Variants in RHCE observed in about 807,000 individuals in gnomAD.
RHCE encodes the protein Rh blood group CcEe antigens.
Under a neutral mutation model 43.8 loss-of-function variants are expected in RHCE, and 22 were observed. That is an observed-to-expected ratio of 0.50 (90% CI 0.36 to 0.72). The LOEUF is 0.72. RHCE is among the 30% of genes least tolerant of loss of function. RHCE has a pLI of 0.00. For missense variants in RHCE, 385 were observed against 525.4 expected (o/e 0.73, Z 2.61); for synonymous variants, 156 against 210.7 (o/e 0.74, Z 2.25).
At chr1:25,429,229 T>TTG (rs2124559989) in intron 1 of RHCE, among the ~76,000 whole-genome samples, 1 of 146,510 alleles carries the variant, frequency 6.8e-6, no homozygotes, top group South Asian at 2.1e-4. Context: ...AAGTTTTTTT[T>TTG]TTTTTTTTTT....
At chr1:25,428,798 A>G (rs958018535) in intron 2 of RHCE, among the ~76,000 whole-genome samples, 2 of 152,226 alleles carry the variant, frequency 1.3e-5, no homozygotes, top group African/African-American at 4.8e-5. Context: ...TTTGATCTCC[A>G]AGAAGCTTTT....
intron 3 of RHCE, among the ~76,000 whole-genome samples, chr1:25,402,103 C>T (rs1449585905): frequency 6.6e-6 from 1 of 152,088 alleles, no homozygotes; most frequent in Non-Finnish European, 1.5e-5. Flanking sequence ...TCTTGAACTC[C>T]TGACCTCAGG....
At chr1:25,398,991 A>C (rs552809819) in intron 3 of RHCE, 1 of 1,228,130 alleles carries the variant, frequency 8.1e-7, no homozygotes, top group African/African-American at 1.5e-5. Flanking sequence ...TTGCTCTGCG[A>C]CGGACTATTC....
At chr1:25,427,487 T>C (rs1232523343) in intron 2 of RHCE, among the ~76,000 whole-genome samples, 1 of 152,232 alleles carries the variant, frequency 6.6e-6, no homozygotes, top group Non-Finnish European at 1.5e-5. Context: ...CCCACTTCTG[T>C]GCCCTTAGAA....
intron 6 of RHCE, among the ~76,000 whole-genome samples, chr1:25,386,823 A>G (rs1447874017): frequency 1.4e-5 from 2 of 142,256 alleles, no homozygotes; most frequent in East Asian, 1.9e-4. Flanking sequence ...CACCGTCTCA[A>G]CAACAACAAC....
chr1:25,378,977 G>A (rs1238466628), intron 7 of RHCE, among the ~76,000 whole-genome samples: 1 of 152,122 alleles, frequency 6.6e-6, no homozygotes, highest in East Asian at 1.9e-4. Context: ...TTGAGTAAAA[G>A]AAGCATACAA....
intron 9 of RHCE, 41 bp downstream of exon 9, chr1:25,370,426 T>C: frequency 6.5e-7 from 1 of 1,529,236 alleles, no homozygotes; most frequent in Non-Finnish European, 9.1e-7. Flanking sequence ...TTTAAGTTCA[T>C]GCACTCAAAA....
intron 2 of RHCE, among the ~76,000 whole-genome samples, chr1:25,405,375 G>A (rs902310735): frequency 5.1e-4 from 78 of 152,044 alleles, no homozygotes; most frequent in Admixed American, 4.0e-3. Flanking sequence ...GTTTTAGGCC[G>A]GGCACAGTGG....
intron 1 of RHCE, among the ~76,000 whole-genome samples, chr1:25,410,893 T>C (rs1293349133): frequency 6.6e-6 from 1 of 151,958 alleles, no homozygotes; most frequent in African/African-American, 2.4e-5. Context: ...AGTTCGAGAC[T>C]AGCCTGGCCA....
At chr1:25,416,465 A>G (rs149007751) in intron 1 of RHCE, among the ~76,000 whole-genome samples, 11,339 of 151,970 alleles carry the variant, frequency 0.075, 1,362 homozygotes, top group African/African-American at 0.26. Flanking sequence ...GGGTTTCATC[A>G]TGTTAGCCAG....
intron 7 of RHCE, among the ~76,000 whole-genome samples, chr1:25,379,419 G>A (rs111915012): frequency 0.077 from 9,647 of 125,034 alleles, 1,123 homozygotes; most frequent in African/African-American, 0.26. Flanking sequence ...CATGTCCTTC[G>A]TACATGCAAA....
intron 7 of RHCE, among the ~76,000 whole-genome samples, chr1:25,381,681 C>T (rs189208206): frequency 6.6e-6 from 1 of 151,948 alleles, no homozygotes; most frequent in East Asian, 1.9e-4. Context: ...TGGTCTCGAA[C>T]TCCTGACCTC....
At chr1:25,428,908 C>A (rs1274934858) in intron 2 of RHCE, 1 of 152,340 alleles carries the variant, frequency 6.6e-6, no homozygotes, top group Non-Finnish European at 1.5e-5. Context: ...GGGGAAAGAT[C>A]GGTTGCAGTG....
upstream of RHCE, among the ~76,000 whole-genome samples, chr1:25,423,539 C>T (rs2042783188): frequency 1.3e-5 from 2 of 152,182 alleles, no homozygotes; most frequent in African/African-American, 4.8e-5. Context: ...AAGAGGATCC[C>T]GCTCCTCGCA....
chr1:25,375,935 C>T (rs1251765908), intron 7 of RHCE, among the ~76,000 whole-genome samples: 4 of 150,810 alleles, frequency 2.7e-5, no homozygotes, highest in African/African-American at 9.8e-5. Context: ...GGACTACAGG[C>T]ATGCGCCACC....
chr1:25,376,129 T>C (rs936713984), intron 7 of RHCE, among the ~76,000 whole-genome samples: 1 of 152,100 alleles, frequency 6.6e-6, no homozygotes, highest in Non-Finnish European at 1.5e-5. Context: ...AGATGAAGGT[T>C]CTATTTCTCT....
chr1:25,419,958 G>A (rs1320035805), intron 1 of RHCE, among the ~76,000 whole-genome samples: 2 of 146,128 alleles, frequency 1.4e-5, no homozygotes, highest in Non-Finnish European at 3.0e-5. Flanking sequence ...CTGGAGGATC[G>A]CTTGTGTCCA....
At chr1:25,374,277 C>T (rs1358237219) in intron 8 of RHCE, among the ~76,000 whole-genome samples, 1 of 151,864 alleles carries the variant, frequency 6.6e-6, no homozygotes, top group East Asian at 1.9e-4. Context: ...TTAGTAGAGA[C>T]AGGGTTTCAC....
chr1:25,382,657 G>A (rs1646035492), intron 7 of RHCE, among the ~76,000 whole-genome samples: 1 of 152,092 alleles, frequency 6.6e-6, no homozygotes, highest in Non-Finnish European at 1.5e-5. Flanking sequence ...CCCTGTGAGT[G>A]AGCTATTAAT....
Sources: gnomAD v4.1 joint callset for allele counts (sites outside exome capture counted in the v4.1 genomes callset) on GRCh38, gnomAD v4.1.1 for gene constraint, MANE v1.5 for transcripts, NCBI Gene and HGNC (gene_info 2026-07-23, HGNC 2026-07-21) for gene names.